Variants in NUP155 observed in about 807,000 individuals in gnomAD.
The protein encoded by NUP155 is nuclear pore complex protein Nup155.
Under a neutral mutation model 180.4 loss-of-function variants are expected in NUP155, and 71 were observed. The ratio of observed to expected loss-of-function variants is 0.39; its 90% CI spans 0.33 to 0.48. The LOEUF (loss-of-function observed/expected upper bound fraction) is 0.48. NUP155 is among the 20% of genes least tolerant of loss of function. The probability of loss-of-function intolerance (pLI) is 0.91; values close to 1 mark genes in which losing one functional copy is unlikely to be tolerated. For synonymous variants in NUP155, 582 were observed against 559.5 expected, an observed-to-expected ratio of 1.04 and a Z score of -0.57; for missense variants, 1,553 against 1,648.9, an observed-to-expected ratio of 0.94 and a Z score of 1.01.
intron 1 of NUP155, among the ~76,000 whole-genome samples, chr5:37,369,734 A>ATT (rs1209166543): frequency 6.6e-6 from 1 of 152,264 alleles, no homozygotes; most frequent in East Asian, 1.9e-4. Context: ...AATAATCAGA[A>ATT]GTGTTCTCGG....
intron 22 of NUP155, among the ~76,000 whole-genome samples, chr5:37,312,266 A>G (rs1386347533): frequency 1.3e-5 from 2 of 152,138 alleles, no homozygotes; most frequent in African/African-American, 4.8e-5. Context: ...GAAGTATTCT[A>G]TTCTTCCTCA....
chr5:37,357,654 T>C (rs1298240506), intron 4 of NUP155, among the ~76,000 whole-genome samples: 1 of 152,148 alleles, frequency 6.6e-6, no homozygotes, highest in East Asian at 1.9e-4. Context: ...ATATTTCTAA[T>C]TAGAATTCAA....
chr5:37,304,624 T>C (rs1234541514), intron 27 of NUP155, 115 bp downstream of exon 27: 12 of 768,036 alleles, frequency 1.6e-5, no homozygotes, highest in African/African-American at 1.4e-4. Context: ...TATACTAACA[T>C]CTAATAGCAG....
At position 37,299,575 on chromosome 5, in the gene NUP155, G is replaced by A; in HGVS notation, c.3562-7C>T. Reference sequence around the variant, plus strand: ...CAGCAAATTCCCCATAAAGCTGTGAGAGAAAATCCCAAAATTAACATCCAA... The same window carrying A: ...CAGCAAATTCCCCATAAAGCTGTGAAAGAAAATCCCAAAATTAACATCCAA... On this transcript the variant is annotated splice_polypyrimidine_tract_variant and splice_region_variant and intron_variant, in intron 30 of 34. Coordinates refer to ENST00000231498, the MANE Select transcript of NUP155 (RefSeq NM_153485.3). The A allele has an allele frequency of 6.2e-7, 1 of 1,613,846 alleles. No homozygotes were observed. Among genetic ancestry groups the A allele is most frequent in the Non-Finnish European group, 8.5e-7 (1 of 1,179,864 alleles).
chr5:37,331,118 T>C (rs1423860667), intron 14 of NUP155, among the ~76,000 whole-genome samples: 2 of 149,444 alleles, frequency 1.3e-5, no homozygotes, highest in Non-Finnish European at 3.0e-5. Flanking sequence ...CACTGCACTC[T>C]AGCCTGGGCG....
chr5:37,308,698 A>G (rs929127414), intron 24 of NUP155, among the ~76,000 whole-genome samples: 4 of 151,152 alleles, frequency 2.6e-5, no homozygotes, highest in African/African-American at 9.7e-5. Context: ...CTGTCTCAAA[A>G]TAAAAAAAAT....
intron 14 of NUP155, among the ~76,000 whole-genome samples, chr5:37,331,059 G>A (rs1032174479): frequency 6.6e-6 from 1 of 151,294 alleles, no homozygotes; most frequent in Non-Finnish European, 1.5e-5. Context: ...TGAGGCAGGA[G>A]AATGGAATGA....
chr5:37,306,755 G>T (rs1474494202), intron 25 of NUP155, among the ~76,000 whole-genome samples: 1 of 152,022 alleles, frequency 6.6e-6, no homozygotes, highest in African/African-American at 2.4e-5. Context: ...GTGAGCCACT[G>T]TGCCTGGCCT....
chr5:37,301,544 T>C lies in NUP155; in HGVS notation c.3454A>G (p.Arg1152Gly), dbSNP rs779034432. Residue 1152 changes from arginine (R) to glycine (G), a missense_variant, in exon 30 of 35, where the codon AGG becomes GGG. Arg to Gly is a moderately radical substitution (Grantham distance 125, BLOSUM62 -2). Transcript: ENST00000231498. The part of the protein sequence containing the change: ...HELEEKMEVA[R>G]IQLQIQETLQ... ...GTCTCCTGTATCTGAAGTTGGATCCTAGCAACCTAGTTTGGGCAGAAAACA... is the reference window on the plus strand; with the variant it reads ...GTCTCCTGTATCTGAAGTTGGATCCCAGCAACCTAGTTTGGGCAGAAAACA... 6.3e-7 allele frequency: 1 copy of C among 1,597,408 alleles called. No individual in the cohort carries two copies. Among genetic ancestry groups the C allele is most frequent in the Non-Finnish European group, 8.6e-7 (1 of 1,164,878 alleles).
chr5:37,369,350 A>G (rs892612071), intron 1 of NUP155, among the ~76,000 whole-genome samples: 1 of 152,256 alleles, frequency 6.6e-6, no homozygotes, highest in African/African-American at 2.4e-5. Context: ...AACATTGCAG[A>G]AACAATAAAA....
intron 24 of NUP155, among the ~76,000 whole-genome samples, chr5:37,308,417 G>A (rs914414655): frequency 8.5e-5 from 13 of 152,072 alleles, no homozygotes; most frequent in African/African-American, 2.9e-4. Flanking sequence ...GCTGGGCAAT[G>A]GCCGGGCGCG....
In NUP155 at chr5:37,291,897, T is replaced by C. The variant is rs770160087; in HGVS notation, c.*3A>G. 3 of 1,613,694 alleles carry C rather than the reference T, an allele frequency of 1.9e-6. No homozygotes were observed. In the South Asian group the frequency reaches 3.3e-5, roughly 18 times the overall value. On this transcript the variant is annotated 3_prime_UTR_variant, in exon 35 of 35. Transcript: ENST00000231498. ...TAAAACGGATGAAAGTATATCACAG[T>C]AATTAATGAAGCCGTTCTAATTTAG...
chr5:37,334,923 G>A (rs1745221250), intron 12 of NUP155, among the ~76,000 whole-genome samples: 1 of 152,062 alleles, frequency 6.6e-6, no homozygotes, highest in African/African-American at 2.4e-5. Context: ...ACTTTGGGAG[G>A]TGGAGGCGGG....
intron 29 of NUP155, among the ~76,000 whole-genome samples, chr5:37,302,417 G>A (rs1218814528): frequency 6.6e-6 from 1 of 152,064 alleles, no homozygotes; most frequent in African/African-American, 2.4e-5. Context: ...ATTTTTTTAA[G>A]TAGAGACAAG....
At chr5:37,362,998 C>T (rs1747319356) in intron 3 of NUP155, among the ~76,000 whole-genome samples, 1 of 152,126 alleles carries the variant, frequency 6.6e-6, no homozygotes, top group Admixed American at 6.6e-5. Flanking sequence ...CTGCAACCTC[C>T]ATCTCCCAGG....
At chr5:37,365,752 T>TACAC (rs372031424) in intron 1 of NUP155, among the ~76,000 whole-genome samples, 2,432 of 37,914 alleles carry the variant, frequency 0.064, 188 homozygotes, top group Middle Eastern at 0.1. Flanking sequence ...TATATATATA[T>TACAC]ACACACACAC....
chr5:37,304,631 G>A, intron 27 of NUP155, 108 bp downstream of exon 27: 2 of 788,294 alleles, frequency 2.5e-6, no homozygotes, highest in South Asian at 1.5e-5. Flanking sequence ...ACATCTAATA[G>A]CAGGCATGGG....
At chr5:37,354,880 T>A (rs993518546) in intron 4 of NUP155, among the ~76,000 whole-genome samples, 2 of 151,134 alleles carry the variant, frequency 1.3e-5, no homozygotes, top group African/African-American at 4.9e-5. Context: ...TCACTTGAGG[T>A]CAGGAGTTCG....
chr5:37,324,236 G>A lies in NUP155; in HGVS notation c.2092-129C>T, dbSNP rs568516254. 31 of 689,756 alleles carry A rather than the reference G, an allele frequency of 4.5e-5. 1 individual carries two copies. Among genetic ancestry groups the A allele is most frequent in the South Asian group, 2.6e-4 (16 of 62,538 alleles). 42.7% of individuals were successfully genotyped at this position (689,756 alleles called of 1,614,324 possible). A position where few individuals can be genotyped will look rare whatever the true frequency, so the allele number is the denominator to read the frequency against. On this transcript the variant is annotated intron_variant, in intron 19 of 34. Coordinates refer to ENST00000231498, the MANE Select transcript of NUP155 (RefSeq NM_153485.3). ...TGTATCAATTCACACCTGTTGATCC[G>A]AATAAAGTATACCTACACACTTCCT...
Sources: allele counts gnomAD v4.1 joint callset (sites outside exome capture counted in the v4.1 genomes callset), GRCh38; gene constraint gnomAD v4.1.1; transcripts MANE v1.5; gene names NCBI Gene and HGNC (gene_info 2026-07-23, HGNC 2026-07-21).